The following ZFTRAF1 variants were observed in gnomAD, a reference collection of about 807,000 sequenced individuals.
ZFTRAF1 encodes the protein zinc finger TRAF-type and ring finger containing 1, also known as zinc finger TRAF-type-containing protein 1.
chr8:144,453,789 T>C, the ZFTRAF1 span: 1 of 279,712 alleles, frequency 3.6e-6, no homozygotes, highest in East Asian at 7.6e-5. Flanking sequence ...GACCAGCGAC[T>C]GCCCTGACCC....
At chr8:144,452,113 G>A in the ZFTRAF1 span, 2 of 562,066 alleles carry the variant, frequency 3.6e-6, no homozygotes, top group Non-Finnish European at 6.5e-6. Flanking sequence ...GCGAGGACAG[G>A]TGGGCGGGGC....
At chr8:144,461,899 G>A in the ZFTRAF1 span, among the ~76,000 whole-genome samples, 1 of 152,160 alleles carries the variant, frequency 6.6e-6, no homozygotes, top group African/African-American at 2.4e-5. Context: ...CTTGGGACCG[G>A]GTGGGTTGCG....
the ZFTRAF1 span, among the ~76,000 whole-genome samples, chr8:144,452,951 T>C: frequency 6.6e-6 from 1 of 152,248 alleles, no homozygotes; most frequent in Admixed American, 6.5e-5. Context: ...TTGGACACGC[T>C]GTCCTGGGCC....
At chr8:144,462,623 C>G in the ZFTRAF1 span, 5 of 144,226 alleles carry the variant, frequency 3.5e-5, no homozygotes, top group Non-Finnish European at 7.7e-5. Context: ...CGCGGCCGGG[C>G]CGCCCCCGCC....
the ZFTRAF1 span, chr8:144,453,746 A>C: frequency 2.8e-6 from 1 of 363,484 alleles, no homozygotes; most frequent in Non-Finnish European, 5.1e-6. Flanking sequence ...GGGTTCAGCC[A>C]CCTGGGGCCG....
the ZFTRAF1 span, chr8:144,457,778 T>G: frequency 1.3e-5 from 2 of 152,258 alleles, no homozygotes; most frequent in Non-Finnish European, 2.9e-5. Flanking sequence ...GCTGACCTTG[T>G]AGGACCCCTT....
the ZFTRAF1 span, chr8:144,462,633 C>G: frequency 6.9e-6 from 1 of 145,498 alleles, no homozygotes. Flanking sequence ...CCGCCCCCGC[C>G]GGCCTCCTCG....
At chr8:144,451,112 A>G in the ZFTRAF1 span, 2 of 274,942 alleles carry the variant, frequency 7.3e-6, no homozygotes, top group East Asian at 1.3e-4. Context: ...GCAGACACAC[A>G]GACAGGATGC....
At chr8:144,460,808 C>T in the ZFTRAF1 span, among the ~76,000 whole-genome samples, 11 of 152,242 alleles carry the variant, frequency 7.2e-5, no homozygotes, top group African/African-American at 2.2e-4. Context: ...TGCTTGAACT[C>T]GGGAGGCGGA....
At chr8:144,452,286 GC>G in the ZFTRAF1 span, 3 of 1,492,610 alleles carry the variant, frequency 2.0e-6, no homozygotes, top group African/African-American at 4.2e-5. Context: ...AGAGCCTGCT[GC>G]CCCCAGACTC....
the ZFTRAF1 span, chr8:144,450,565 G>A: frequency 2.8e-6 from 2 of 718,280 alleles, no homozygotes; most frequent in Middle Eastern, 2.3e-4. Context: ...TGAGCAGCAG[G>A]AAGGAGCACT....
the ZFTRAF1 span, chr8:144,452,451 A>T: frequency 6.5e-7 from 1 of 1,549,480 alleles, no homozygotes; most frequent in East Asian, 2.4e-5. Context: ...CCCATCCAGG[A>T]TCTCCATCAG....
the ZFTRAF1 span, chr8:144,452,144 T>A: frequency 1.6e-6 from 1 of 637,614 alleles, no homozygotes. Context: ...GCCACACAGG[T>A]GTGCACCTGG....
At chr8:144,457,160 G>A in the ZFTRAF1 span, 1 of 151,328 alleles carries the variant, frequency 6.6e-6, no homozygotes, top group Admixed American at 6.6e-5. Context: ...TCACATGTAT[G>A]ACATCACAGG....
the ZFTRAF1 span, chr8:144,454,942 A>G: frequency 6.6e-6 from 1 of 152,294 alleles, no homozygotes; most frequent in Non-Finnish European, 1.5e-5. Context: ...GACAGTGAGG[A>G]CAAAGCCCTC....
At chr8:144,458,568 G>A in the ZFTRAF1 span, among the ~76,000 whole-genome samples, 54 of 151,950 alleles carry the variant, frequency 3.6e-4, no homozygotes, top group East Asian at 7.6e-3. Flanking sequence ...TTGGGGGTGT[G>A]GGGCTCGGGC....
the ZFTRAF1 span, chr8:144,450,406 C>T: frequency 5.6e-6 from 4 of 717,280 alleles, no homozygotes; most frequent in South Asian, 1.5e-5. Context: ...ACAGGAAGAG[C>T]CGCAGGTTGA....
the ZFTRAF1 span, among the ~76,000 whole-genome samples, chr8:144,458,089 G>A: frequency 1.3e-5 from 2 of 152,228 alleles, no homozygotes; most frequent in Middle Eastern, 3.2e-3. Flanking sequence ...CGCGTGCTCG[G>A]CCCCTAACCT....
At chr8:144,457,925 G>C in the ZFTRAF1 span, 1 of 152,274 alleles carries the variant, frequency 6.6e-6, no homozygotes, top group African/African-American at 2.4e-5. Context: ...CTTGACAGAG[G>C]TCGTCAGAGC....
Sources: gnomAD v4.1 joint callset for allele counts (sites outside exome capture counted in the v4.1 genomes callset) on GRCh38, gnomAD v4.1.1 for gene constraint, MANE v1.5 for transcripts, NCBI Gene and HGNC (gene_info 2026-07-23, HGNC 2026-07-21) for gene names.